CENPP: variants seen among roughly 807,000 people sequenced by gnomAD.
CENPP encodes the protein centromere protein P.
CENPP carries 24 observed loss-of-function variants against 35.6 expected under a neutral mutation model. The observed-to-expected ratio is 0.67, with a 90% confidence interval of 0.49 to 0.95. The LOEUF (loss-of-function observed/expected upper bound fraction) is 0.95, where lower values mean the gene tolerates loss of function less well. Ranked by LOEUF, CENPP falls within the 40% of genes least tolerant of loss-of-function variation. The pLI is 0.00. For missense variants in CENPP, 332 were observed against 345.3 expected, an observed-to-expected ratio of 0.96 and a Z score of 0.31; for synonymous variants, 120 against 125.5, an observed-to-expected ratio of 0.96 and a Z score of 0.29.
At chr9:92,365,208 A>G (rs1345768851) in intron 4 of CENPP, among the ~76,000 whole-genome samples, 1 of 152,126 alleles carries the variant, frequency 6.6e-6, no homozygotes, top group African/African-American at 2.4e-5. Flanking sequence ...TGGGGAGAAA[A>G]TAAACAAGGA....
At chr9:92,466,230 A>G in intron 5 of CENPP, 1 of 654,668 alleles carries the variant, frequency 1.5e-6, no homozygotes, top group Admixed American at 2.9e-5. Flanking sequence ...TGGTTTATAA[A>G]TGGCTTATCT....
chr9:92,491,678 C>T (rs1204289820), intron 5 of CENPP, among the ~76,000 whole-genome samples: 1 of 152,156 alleles, frequency 6.6e-6, no homozygotes, highest in Non-Finnish European at 1.5e-5. Context: ...AGAGCAGTTT[C>T]TTCTTTGGTC....
chr9:92,523,665 A>G lies in CENPP; in HGVS notation c.565-87649A>G, dbSNP rs547427658. ...GTAATCTATAGCAGTAGCGGTTTAA[A>G]TGAATCTCCTTTGTGCTTAAACAGC... is the stretch of plus-strand genomic sequence containing the variant. On this transcript the variant is annotated intron_variant, in intron 5 of 7. Transcript: ENST00000375587. Among the ~76,000 whole-genome samples the G allele has an allele frequency of 2.6e-5, 4 of 152,356 alleles. No homozygotes were observed. In the East Asian group the frequency reaches 5.8e-4, roughly 22 times the overall value.
chr9:92,496,485 T>A (rs774872051), intron 5 of CENPP: 1 of 1,606,770 alleles, frequency 6.2e-7, no homozygotes, highest in Non-Finnish European at 8.5e-7. Context: ...AGAATGTTCC[T>A]AAGGAAAAAT....
In CENPP at chr9:92,616,380, AAAGT is replaced by A. The variant is rs1369980934; in HGVS notation, c.*3234_*3237del. 5.5e-5 allele frequency: 13 copies of A among 237,566 alleles called. No homozygotes were observed. The South Asian group carries it at 7.5e-4, about 14-fold the overall frequency. 14.7% of individuals were successfully genotyped at this position (237,566 alleles called of 1,614,324 possible). A position where few individuals can be genotyped will look rare whatever the true frequency, so the allele number is the denominator to read the frequency against. On this transcript the variant is annotated 3_prime_UTR_variant, in exon 8 of 8. Transcript: ENST00000375587. ...GAGGGTTAAAGGACTGAAAGATGGA[AAAGT>A]AATTATGTGGAACATGTGAGCGATG...
intron 5 of CENPP, among the ~76,000 whole-genome samples, chr9:92,555,481 A>T (rs1240473445): frequency 6.6e-6 from 1 of 151,594 alleles, no homozygotes; most frequent in African/African-American, 2.4e-5. Context: ...CACCCGTCTC[A>T]GCCTCCCAAA....
chr9:92,542,609 C>G (rs900924485), intron 5 of CENPP, among the ~76,000 whole-genome samples: 1 of 152,068 alleles, frequency 6.6e-6, no homozygotes, highest in African/African-American at 2.4e-5. Context: ...CTCTGCCTCC[C>G]GGGTTCAAGT....
chr9:92,327,525 G>T (rs1304384430), intron 1 of CENPP, among the ~76,000 whole-genome samples: 1 of 152,202 alleles, frequency 6.6e-6, no homozygotes, highest in Non-Finnish European at 1.5e-5. Flanking sequence ...CATATTACAT[G>T]CACTCCATAT....
intron 5 of CENPP, chr9:92,393,222 A>G (rs202124976): frequency 7.5e-6 from 12 of 1,597,302 alleles, no homozygotes; most frequent in Non-Finnish European, 9.4e-6. Flanking sequence ...TTAAACAAAC[A>G]CACAGCAGAC....
chr9:92,417,089 G>A (rs747739170), intron 5 of CENPP: 1 of 1,613,718 alleles, frequency 6.2e-7, no homozygotes, highest in Non-Finnish European at 8.5e-7. Context: ...AAGAGGAAAT[G>A]GAAATTCTTC....
chr9:92,577,154 T>C (rs1172219880), intron 5 of CENPP, among the ~76,000 whole-genome samples: 2 of 152,236 alleles, frequency 1.3e-5, no homozygotes, highest in East Asian at 1.9e-4. Context: ...AATTTGAAGA[T>C]TCACATATCC....
chr9:92,397,676 A>G (rs1207001791), intron 5 of CENPP, among the ~76,000 whole-genome samples: 1 of 152,204 alleles, frequency 6.6e-6, no homozygotes, highest in Non-Finnish European at 1.5e-5. Context: ...ACCAAGATGC[A>G]GGTGCTGGGT....
intron 5 of CENPP, among the ~76,000 whole-genome samples, chr9:92,545,083 GGCAGCCCTC>G (rs984498980): frequency 8.5e-5 from 13 of 152,308 alleles, no homozygotes; most frequent in South Asian, 2.1e-4. Context: ...ACAGCCTGCT[GGCAGCCCTC>G]GCAGCCCTCG....
At chr9:92,564,036 T>C (rs1470198582) in intron 5 of CENPP, among the ~76,000 whole-genome samples, 1 of 152,138 alleles carries the variant, frequency 6.6e-6, no homozygotes, top group African/African-American at 2.4e-5. Context: ...AATCACTGAT[T>C]GTAATGTGGT....
At chr9:92,336,523 A>T (rs1840936048) in intron 2 of CENPP, among the ~76,000 whole-genome samples, 1 of 152,166 alleles carries the variant, frequency 6.6e-6, no homozygotes, top group African/African-American at 2.4e-5. Flanking sequence ...TAGTGCATCC[A>T]TCTGATTTCC....
chr9:92,342,563 C>T (rs948987238), intron 3 of CENPP, among the ~76,000 whole-genome samples: 1 of 151,990 alleles, frequency 6.6e-6, no homozygotes, highest in Non-Finnish European at 1.5e-5. Context: ...CTCACTTTCT[C>T]TCTGAGCCTT....
At chr9:92,516,945 C>G (rs1029285040) in intron 5 of CENPP, 1 of 152,240 alleles carries the variant, frequency 6.6e-6, no homozygotes, top group Non-Finnish European at 1.5e-5. Context: ...ATGTCCCTAT[C>G]CCTTCCCAGC....
At chr9:92,419,410 C>T (rs897876059) in intron 5 of CENPP, among the ~76,000 whole-genome samples, 13 of 150,924 alleles carry the variant, frequency 8.6e-5, no homozygotes, top group Admixed American at 3.3e-4. Context: ...AAGCAATTCT[C>T]CTGCCTCAGC....
chr9:92,445,832 G>A (rs1249894765), intron 5 of CENPP, among the ~76,000 whole-genome samples: 2 of 151,186 alleles, frequency 1.3e-5, no homozygotes, highest in African/African-American at 4.9e-5. Flanking sequence ...GCAGTGAGCC[G>A]AGTTACACCA....
Sources: allele counts gnomAD v4.1 joint callset (sites outside exome capture counted in the v4.1 genomes callset), GRCh38; gene constraint gnomAD v4.1.1; transcripts MANE v1.5; gene names NCBI Gene and HGNC (gene_info 2026-07-23, HGNC 2026-07-21).